Variants in FLI1 observed in about 807,000 individuals in gnomAD.
The protein encoded by FLI1 is Friend leukemia integration 1 transcription factor.
Under a neutral mutation model 53.1 loss-of-function variants are expected in FLI1, and 13 were observed. The observed-to-expected ratio is 0.24, with a 90% CI of 0.16 to 0.39. The LOEUF is 0.39. Ranked by LOEUF, FLI1 falls within the 10% of genes least tolerant of loss-of-function variation. The probability of loss-of-function intolerance (pLI) is 1.00; values close to 1 mark genes in which losing one functional copy is unlikely to be tolerated. For missense variants in FLI1, 424 were observed against 600.5 expected (o/e 0.71, Z 3.07); for synonymous variants, 244 against 236.7 (o/e 1.03, Z -0.28).
chr11:128,691,174 G>C (rs1937724643), upstream of FLI1, among the ~76,000 whole-genome samples: 1 of 152,116 alleles, frequency 6.6e-6, no homozygotes, highest in African/African-American at 2.4e-5. Flanking sequence ...GGCTGCTCGT[G>C]AAAACAATGT....
intron 1 of FLI1, among the ~76,000 whole-genome samples, chr11:128,696,436 G>A (rs1938078802): frequency 6.6e-6 from 1 of 152,150 alleles, no homozygotes; most frequent in Non-Finnish European, 1.5e-5. Flanking sequence ...TGCTTGGAGA[G>A]GACAGTGGAC....
intron 5 of FLI1, chr11:128,803,980 T>G (rs1241142493): frequency 1.3e-5 from 2 of 152,300 alleles, no homozygotes; most frequent in East Asian, 3.8e-4. Context: ...TTTTGTCCCC[T>G]GCCTTGCCCT....
chr11:128,751,671 CACCCG>C (rs2135795798), intron 1 of FLI1, among the ~76,000 whole-genome samples: 1 of 152,096 alleles, frequency 6.6e-6, no homozygotes, highest in South Asian at 2.1e-4. Flanking sequence ...GGACTACAGG[CACCCG>C]CCACCACGCC....
chr11:128,749,311 A>G (rs145380801), intron 1 of FLI1, among the ~76,000 whole-genome samples: 1 of 152,350 alleles, frequency 6.6e-6, no homozygotes, highest in Non-Finnish European at 1.5e-5. Context: ...CTAGTGGCAT[A>G]AACCAATTAT....
intron 2 of FLI1, among the ~76,000 whole-genome samples, chr11:128,763,325 T>C (rs983246501): frequency 2.0e-5 from 3 of 152,198 alleles, no homozygotes; most frequent in African/African-American, 4.8e-5. Flanking sequence ...TATCTTCCTG[T>C]TGTGGTTGAC....
intron 5 of FLI1, among the ~76,000 whole-genome samples, chr11:128,799,684 CT>C (rs1400286464): frequency 6.6e-6 from 1 of 152,176 alleles, no homozygotes; most frequent in Non-Finnish European, 1.5e-5. Flanking sequence ...TCTACTTTGC[CT>C]CAGGGTGGGG....
chr11:128,717,352 C>T (rs886324245), intron 1 of FLI1, among the ~76,000 whole-genome samples: 5 of 152,154 alleles, frequency 3.3e-5, no homozygotes, highest in African/African-American at 1.2e-4. Context: ...GTTTTGCTAT[C>T]GTGTGACATT....
At position 128,756,983 on chromosome 11, in the gene FLI1, A is replaced by T. The variant is rs372320740; in HGVS notation, c.19-1132A>T. On this transcript the variant is annotated intron_variant, in intron 1 of 8. Transcript: ENST00000527786. The stretch of plus-strand genomic sequence containing the variant: ...CTGCAGCCTCTACTTCCGGGGCTCA[A>T]GTGATCCTCCCACCTCAGCCTCCCA... 5.8e-4 allele frequency among the ~76,000 whole-genome samples: 89 copies of T among 152,330 alleles called. 2 individuals are homozygous for T. The South Asian group carries it at 0.018, about 31-fold the overall frequency.
intron 1 of FLI1, among the ~76,000 whole-genome samples, chr11:128,739,809 G>A (rs955415210): frequency 6.6e-6 from 1 of 152,180 alleles, no homozygotes; most frequent in South Asian, 2.1e-4. Flanking sequence ...AGACTGTTTG[G>A]TTCATGTCTG....
chr11:128,779,375 C>T (rs188514644), intron 4 of FLI1, among the ~76,000 whole-genome samples: 18 of 152,230 alleles, frequency 1.2e-4, no homozygotes, highest in African/African-American at 4.3e-4. Flanking sequence ...GTATTCCCTC[C>T]GAACATTTGG....
chr11:128,725,672 G>GTT (rs2135743789), intron 1 of FLI1, among the ~76,000 whole-genome samples: 1 of 151,084 alleles, frequency 6.6e-6, no homozygotes, highest in South Asian at 2.1e-4. Context: ...CTGTGTGTGT[G>GTT]TGTTTGTGTG....
chr11:128,686,166 G>A (rs1177809357), upstream of FLI1: 2 of 360,172 alleles, frequency 5.6e-6, no homozygotes, highest in South Asian at 2.0e-5. Context: ...TGCACTGAGG[G>A]GCGAGTGTTG....
intron 4 of FLI1, among the ~76,000 whole-genome samples, chr11:128,779,241 G>A (rs1176508183): frequency 6.6e-6 from 1 of 152,170 alleles, no homozygotes; most frequent in Non-Finnish European, 1.5e-5. Context: ...AATGACTCAG[G>A]CAGTTTGCTC....
At chr11:128,701,087 T>C (rs1467901602) in intron 1 of FLI1, among the ~76,000 whole-genome samples, 1 of 152,170 alleles carries the variant, frequency 6.6e-6, no homozygotes, top group African/African-American at 2.4e-5. Context: ...AGAGATAGAT[T>C]CAGGCAACCA....
At chr11:128,719,407 ATATT>A (rs1939162359) in intron 1 of FLI1, among the ~76,000 whole-genome samples, 1 of 145,392 alleles carries the variant, frequency 6.9e-6, no homozygotes, top group South Asian at 2.1e-4. Context: ...AAAATCTGTA[ATATT>A]TATTTACTTA....
intron 1 of FLI1, among the ~76,000 whole-genome samples, chr11:128,724,282 C>A (rs74405109): frequency 0.032 from 4,798 of 152,182 alleles, 111 homozygotes; most frequent in Non-Finnish European, 0.045. Flanking sequence ...ATTTACCAGA[C>A]AGGGTATTCC....
chr11:128,725,647 C>T (rs10909381), intron 1 of FLI1, among the ~76,000 whole-genome samples: 4,036 of 37,972 alleles, frequency 0.11, 162 homozygotes, highest in African/African-American at 0.2. Flanking sequence ...ATTCTCTCTC[C>T]CTCTCTCTCT....
At chr11:128,805,652 G>A (rs1038358088) in intron 6 of FLI1, 3 of 520,086 alleles carry the variant, frequency 5.8e-6, no homozygotes, top group East Asian at 3.2e-5. Context: ...TATTGCGCTC[G>A]GTTTTAGAAC....
At chr11:128,722,862 C>T (rs994593918) in intron 1 of FLI1, among the ~76,000 whole-genome samples, 6 of 152,184 alleles carry the variant, frequency 3.9e-5, no homozygotes, top group East Asian at 1.9e-4. Flanking sequence ...TCCAAACAAT[C>T]GGGAGGAAAA....
Sources: allele counts gnomAD v4.1 joint callset (sites outside exome capture counted in the v4.1 genomes callset), GRCh38; gene constraint gnomAD v4.1.1; transcripts MANE v1.5; gene names NCBI Gene and HGNC (gene_info 2026-07-23, HGNC 2026-07-21).